Variants in MAP1B observed in about 807,000 individuals in gnomAD.
The protein encoded by MAP1B is microtubule associated protein 1B.
MAP1B carries 12 observed loss-of-function variants against 176.1 expected under a neutral mutation model. That is an observed-to-expected ratio of 0.07 (90% CI 0.04 to 0.11). MAP1B has a LOEUF of 0.11. Among genes scored for constraint, MAP1B ranks in the 10% least tolerant of loss-of-function variants. The pLI, the probability that MAP1B is intolerant of heterozygous loss-of-function variation, is 1.00. For synonymous variants in MAP1B, 1,044 were observed against 1,135.0 expected (o/e 0.92, Z 1.61); for missense variants, 2,523 against 2,990.5 (o/e 0.84, Z 3.65).
chr5:72,171,137 A>C (rs1408121282), intron 2 of MAP1B, among the ~76,000 whole-genome samples: 1 of 152,172 alleles, frequency 6.6e-6, no homozygotes, highest in African/African-American at 2.4e-5. Flanking sequence ...TTCCCTGCTC[A>C]GAATAAGGAA....
At chr5:72,172,559 G>A (rs1340514057) in intron 2 of MAP1B, among the ~76,000 whole-genome samples, 1 of 152,100 alleles carries the variant, frequency 6.6e-6, no homozygotes, top group Non-Finnish European at 1.5e-5. Flanking sequence ...GAGGGTGAAA[G>A]GTCAACCATT....
intron 2 of MAP1B, among the ~76,000 whole-genome samples, chr5:72,129,059 T>A (rs1745678814): frequency 6.6e-6 from 1 of 152,178 alleles, no homozygotes; most frequent in Non-Finnish European, 1.5e-5. Flanking sequence ...AGATGAGAAG[T>A]GAGATTTTTT....
chr5:72,157,338 T>C (rs928840917), intron 2 of MAP1B, among the ~76,000 whole-genome samples: 1 of 152,214 alleles, frequency 6.6e-6, no homozygotes, highest in African/African-American at 2.4e-5. Context: ...TTTTCTATGG[T>C]ACTGTGGGTT....
At chr5:72,131,190 C>T (rs1040865871) in intron 2 of MAP1B, among the ~76,000 whole-genome samples, 3 of 152,088 alleles carry the variant, frequency 2.0e-5, no homozygotes, top group Non-Finnish European at 2.9e-5. Context: ...TAATATGGTG[C>T]TATCTAAATA....
chr5:72,117,511 T>TCA (rs1745456474), intron 2 of MAP1B, among the ~76,000 whole-genome samples: 1 of 152,222 alleles, frequency 6.6e-6, no homozygotes, highest in Non-Finnish European at 1.5e-5. Context: ...AATGAAAGGC[T>TCA]GCAAGCATTG....
At position 72,163,930 on chromosome 5, in the gene MAP1B, CTTT is replaced by C. The variant is rs869167918; in HGVS notation, c.287-19794_287-19792del. On this transcript the variant is annotated intron_variant, in intron 2 of 6. Transcript: ENST00000296755. Reference sequence around the variant, plus strand: ...TCTCTCTCTCTCTTTTTTTTTTTTTCTTTTTTTTTTTTTTTTTTTTTGAGACAG... The same window carrying C: ...TCTCTCTCTCTCTTTTTTTTTTTTTCTTTTTTTTTTTTTTTTTTGAGACAG... 5.9e-3 allele frequency among the ~76,000 whole-genome samples: 260 copies of C among 43,710 alleles called. 2 individuals are homozygous for C. Among genetic ancestry groups the C allele is most frequent in the African/African-American group, 0.013 (219 of 17,258 alleles). 28.7% of individuals were successfully genotyped at this position (43,710 alleles called of 152,430 possible).
chr5:72,112,242 CAGAT>C (rs1344468446), intron 1 of MAP1B, among the ~76,000 whole-genome samples: 2 of 152,228 alleles, frequency 1.3e-5, no homozygotes, highest in Non-Finnish European at 2.9e-5. Context: ...AAATAACTGT[CAGAT>C]AGAACCCATG....
At position 72,194,033 on chromosome 5, in the gene MAP1B, T is replaced by C; in HGVS notation, c.678T>C (p.Leu226=). The C allele has an allele frequency of 6.2e-7, 1 of 1,614,192 alleles. No homozygotes were observed. The highest frequency in any genetic ancestry group is 8.5e-7 in the Non-Finnish European group (1 of 1,180,044). Reference sequence around the variant, plus strand: ...CTATCTTGCCAGAAATGGAAGGACTTTCTGAGTTTACCGAGTATCTCTCAG... The same window carrying C: ...CTATCTTGCCAGAAATGGAAGGACTCTCTGAGTTTACCGAGTATCTCTCAG... ...SASILPEMEG[L]SEFTEYLSES... is the part of the protein sequence containing the mutation. The change falls in exon 5 of 7, where the codon CTT becomes CTC. Residue 226 remains leucine (L), a synonymous_variant. Coordinates refer to ENST00000296755, the MANE Select transcript of MAP1B (RefSeq NM_005909.5). The surrounding 1 kb of genome is among the most constrained non-coding windows in gnomAD (Gnocchi z 7.2).
At chr5:72,164,645 C>G (rs1028777167) in intron 2 of MAP1B, among the ~76,000 whole-genome samples, 1 of 152,036 alleles carries the variant, frequency 6.6e-6, no homozygotes, top group African/African-American at 2.4e-5. Context: ...TGCAGGGTAA[C>G]CAGGGAACCA....
intron 1 of MAP1B, among the ~76,000 whole-genome samples, chr5:72,108,080 C>T (rs1745154170): frequency 6.6e-6 from 1 of 152,224 alleles, no homozygotes; most frequent in African/African-American, 2.4e-5. Context: ...TGCAACCACT[C>T]CTTTCAGTCC....
At chr5:72,178,246 A>T (rs181764502) in intron 2 of MAP1B, among the ~76,000 whole-genome samples, 3 of 151,934 alleles carry the variant, frequency 2.0e-5, no homozygotes, top group Admixed American at 6.6e-5. Context: ...CAAGTGATCC[A>T]CCTGCCTCGG....
intron 2 of MAP1B, among the ~76,000 whole-genome samples, chr5:72,120,099 G>T (rs1203643552): frequency 1.3e-5 from 2 of 152,198 alleles, no homozygotes; most frequent in African/African-American, 4.8e-5. Context: ...ATCTGTCGTA[G>T]ACAGACATCA....
At position 72,195,615 on chromosome 5, in the gene MAP1B, G is replaced by A. The variant is rs1747140658; in HGVS notation, c.2260G>A (p.Ala754Thr). The change falls in exon 5 of 7, where the codon GCT becomes ACT. Residue 754 changes from alanine to threonine, a missense_variant. This residue lies in a region of MAP1B where 1,925 missense variants were observed against 2,126.0 expected (regional missense o/e 0.91). Transcript: ENST00000296755. ...TCTGTCTGAAGCAAAAAAACCAGCT[G>A]CTTTAAAACCAAAAGTACCCAAGAA... is the stretch of plus-strand genomic sequence containing the variant. ...TPLSEAKKPA[A>T]LKPKVPKKEE... 6.2e-6 allele frequency: 10 copies of A among 1,614,210 alleles called. No individual in the cohort carries two copies. The highest frequency in any genetic ancestry group is 8.5e-6 in the Non-Finnish European group (10 of 1,180,032).
chr5:72,201,016 TTC>T (rs1414576067), intron 5 of MAP1B, among the ~76,000 whole-genome samples: 1 of 152,284 alleles, frequency 6.6e-6, no homozygotes, highest in South Asian at 2.1e-4. Context: ...GCTCTTACCC[TTC>T]TCTTACCCCA....
rs1396325217 is a variant in MAP1B, at chr5:72,194,751, T to G, written c.1396T>G (p.Leu466Val). 27 of 1,614,214 alleles carry G rather than the reference T, an allele frequency of 1.7e-5. No homozygotes were observed. The highest frequency in any genetic ancestry group is 2.2e-5 in the Non-Finnish European group (26 of 1,180,036). The stretch of plus-strand genomic sequence containing the variant: ...AGAAGTAGATCTCCCGATTTCCTAC[T>G]TAACTTCAGTCTCATCTTTGATTGT... Reference protein sequence around the residue: ...GQEVDLPISYLTSVSSLIVWH... With the variant: ...GQEVDLPISYVTSVSSLIVWH... The change falls in exon 5 of 7, where the codon TTA becomes GTA. Residue 466 changes from leucine (L) to valine (V), a missense_variant. Coordinates refer to ENST00000296755, the MANE Select transcript of MAP1B (RefSeq NM_005909.5). The surrounding 1 kb of genome is among the most constrained non-coding windows in gnomAD (Gnocchi z 7.2).
At chr5:72,108,480 G>T (rs1027397493) in intron 1 of MAP1B, among the ~76,000 whole-genome samples, 2 of 152,226 alleles carry the variant, frequency 1.3e-5, no homozygotes, top group Non-Finnish European at 2.9e-5. Context: ...GAAGGGGGTC[G>T]GTGAGGGAGA....
At position 72,168,437 on chromosome 5, in the gene MAP1B, A is replaced by C. The variant is rs1025200574; in HGVS notation, c.287-15306A>C. Among the ~76,000 whole-genome samples, 17 of 152,360 alleles carry C rather than the reference A, an allele frequency of 1.1e-4. No homozygotes were observed. In the East Asian group the frequency reaches 3.3e-3, roughly 29 times the overall value. ...TTTACGAAAGAGCAAAGAGTAATAC[A>C]TTCTAAGAACTTTGATTAGCATACA... On this transcript the variant is annotated intron_variant, in intron 2 of 6. Transcript: ENST00000296755.
intron 2 of MAP1B, among the ~76,000 whole-genome samples, chr5:72,136,939 T>C (rs1745847889): frequency 6.6e-6 from 1 of 152,186 alleles, no homozygotes; most frequent in South Asian, 2.1e-4. Flanking sequence ...TTACATTTGG[T>C]CATTTTGAGT....
chr5:72,114,709 C>T (rs1188799695), intron 1 of MAP1B, among the ~76,000 whole-genome samples: 2 of 152,228 alleles, frequency 1.3e-5, no homozygotes, highest in Non-Finnish European at 2.9e-5. Flanking sequence ...TCTGGGGTTC[C>T]CTCTGGGCCA....
Sources: gnomAD v4.1 joint callset for allele counts (sites outside exome capture counted in the v4.1 genomes callset) on GRCh38, gnomAD v4.1.1 for gene constraint, gnomAD v4.1.1 regional missense constraint, Gnocchi (gnomAD v3.1) non-coding constraint, MANE v1.5 for transcripts, NCBI Gene and HGNC (gene_info 2026-07-23, HGNC 2026-07-21) for gene names.